The following HSPG2 variants were observed in gnomAD, a reference collection of about 807,000 sequenced individuals.
HSPG2 encodes the protein heparan sulfate proteoglycan 2, also known as basement membrane-specific heparan sulfate proteoglycan core protein.
In HSPG2, 278 loss-of-function variants were observed where a neutral mutation model predicts 526.6. The observed-to-expected ratio is 0.53, with a 90% CI of 0.48 to 0.58. The LOEUF (loss-of-function observed/expected upper bound fraction) is 0.58, where lower values mean the gene tolerates loss of function less well. Ranked by LOEUF, HSPG2 falls within the 20% of genes least tolerant of loss-of-function variation. HSPG2 has a pLI of 0.00. For synonymous variants in HSPG2, 2,465 were observed against 2,555.4 expected (o/e 0.96, Z 1.07); for missense variants, 5,354 against 6,099.5 (o/e 0.88, Z 4.07).
At chr1:21,857,473 A>G (rs780060540) in intron 42 of HSPG2, 88 bp from the exon 43 acceptor site, 1 of 1,167,714 alleles carries the variant, frequency 8.6e-7, no homozygotes, top group African/African-American at 1.5e-5. Context: ...ACCTCTAGGC[A>G]TCACTTCCTT....
At chr1:21,933,691 G>C (rs916408402) in intron 1 of HSPG2, among the ~76,000 whole-genome samples, 17 of 152,192 alleles carry the variant, frequency 1.1e-4, no homozygotes, top group Admixed American at 5.9e-4. Flanking sequence ...CCTAAGGGAT[G>C]GGGGGGTGGT....
At chr1:21,914,088 G>A (rs1643805705) in intron 1 of HSPG2, among the ~76,000 whole-genome samples, 1 of 152,262 alleles carries the variant, frequency 6.6e-6, no homozygotes, top group Non-Finnish European at 1.5e-5. Flanking sequence ...AGAAAGAGAA[G>A]GGGGAAAAAA....
At chr1:21,888,700 G>T (rs149677207) in intron 6 of HSPG2, 1 of 1,364,968 alleles carries the variant, frequency 7.3e-7, no homozygotes, top group Non-Finnish European at 9.8e-7. Context: ...AGCGGCCGGC[G>T]GGGGTGGGGG....
rs2097956821 is a variant in HSPG2, at chr1:21,823,307, G to A, written c.*9C>T. On this transcript the variant is annotated 3_prime_UTR_variant, in exon 97 of 97. Coordinates refer to ENST00000374695, the MANE Select transcript of HSPG2 (RefSeq NM_005529.7). ...GTGGCCCGGGAGTCCGTGTGGGGCA[G>A]GCAGGTGCCTACGAGGGGCAGGGGC... is the stretch of plus-strand genomic sequence containing the variant. The A allele has an allele frequency of 1.3e-6, 2 of 1,524,360 alleles. No homozygotes were observed. The highest frequency in any genetic ancestry group is 1.2e-5 in the South Asian group (1 of 81,932). 94.4% of individuals were successfully genotyped at this position (1,524,360 alleles called of 1,614,324 possible).
rs80232960 is a variant in HSPG2 at position 21,828,719 on chromosome 1, G to A, written c.12237+116C>T. 2.5e-4 allele frequency: 358 copies of A among 1,438,030 alleles called. 1 individual carries two copies. The African/African-American group carries it at 4.5e-3, about 18-fold the overall frequency. 89.1% of individuals were successfully genotyped at this position (1,438,030 alleles called of 1,614,324 possible). A position where few individuals can be genotyped will look rare whatever the true frequency, so the allele number is the denominator to read the frequency against. ...CTCAGAGGTACAGTGTCCTGGCCCA[G>A]GGCCCGTGGGTGGCTGCAGGTGGAG... is the stretch of plus-strand genomic sequence containing the variant. On this transcript the variant is annotated intron_variant, in intron 88 of 96. Coordinates refer to ENST00000374695, the MANE Select transcript of HSPG2 (RefSeq NM_005529.7). The surrounding 1 kb of genome is among the most constrained non-coding windows in gnomAD (Gnocchi z 6.0).
At position 21,880,469 on chromosome 1, in the gene HSPG2, C is replaced by T. The variant is rs144227548; in HGVS notation, c.2089G>A (p.Val697Met). Residue 697 changes from valine to methionine, a missense_variant, in exon 16 of 97, where the codon GTG (valine) becomes ATG (methionine). Coordinates refer to ENST00000374695, the MANE Select transcript of HSPG2 (RefSeq NM_005529.7). ...QSLEAVLIQT[V>M]YNTKMASVGL... Reference sequence around the variant, plus strand: ...ACGCTGGCCATCTTGGTGTTGTACACGGTCTGGATGAGCACGGCCTCCAGG... The same window carrying T: ...ACGCTGGCCATCTTGGTGTTGTACATGGTCTGGATGAGCACGGCCTCCAGG... The T allele has an allele frequency of 1.8e-5, 29 of 1,613,884 alleles. No homozygotes were observed. Among genetic ancestry groups the T allele is most frequent in the Non-Finnish European group, 2.2e-5 (26 of 1,179,972 alleles).
In HSPG2 at chr1:21,872,608, A is replaced by G. The variant is rs756974627; in HGVS notation, c.4029+12T>C. The G allele has an allele frequency of 2.5e-6, 4 of 1,577,654 alleles. No homozygotes were observed. The highest frequency in any genetic ancestry group is 2.3e-5 in the South Asian group (2 of 86,080). ...GCAACACCGCCTGGGGCTGGGCAGC[A>G]CAGGCTCTCACCAGGTGGCGTGTGT... On this transcript the variant is annotated intron_variant, in intron 32 of 96. Transcript: ENST00000374695. This position sits in a 1 kb window ranked among gnomAD's most constrained non-coding sequence, Gnocchi z 5.5.
At position 21,890,743 on chromosome 1, in the gene HSPG2, G is replaced by A; in HGVS notation, c.245-49C>T. The A allele has an allele frequency of 2.8e-6, 4 of 1,410,186 alleles. No homozygotes were observed. Among genetic ancestry groups the A allele is most frequent in the Non-Finnish European group, 3.0e-6 (3 of 1,001,410 alleles). 87.4% of individuals were successfully genotyped at this position (1,410,186 alleles called of 1,614,324 possible). On this transcript the variant is annotated intron_variant, in intron 3 of 96. Transcript: ENST00000374695. This position sits in a 1 kb window ranked among gnomAD's most constrained non-coding sequence, Gnocchi z 4.1. ...TTTGAGAGCCCCAGCCTGGCATCTA[G>A]TGGCCTTAGGCAGTTGGACCATTCA...
Position 21,855,606 on chromosome 1 carries a change from T to C in HSPG2, c.5771A>G (p.Glu1924Gly), listed in dbSNP as rs1431567477. The C allele has an allele frequency of 6.3e-7, 1 of 1,582,934 alleles. No individual in the cohort carries two copies. Among genetic ancestry groups the C allele is most frequent in the Non-Finnish European group, 8.6e-7 (1 of 1,166,938 alleles). The change falls in exon 46 of 97, where the codon GAG (glutamate) becomes GGG (glycine). Residue 1924 changes from glutamate to glycine, a missense_variant. Physicochemically the swap from Glu to Gly is moderately conservative, Grantham distance 98. Coordinates refer to ENST00000374695, the MANE Select transcript of HSPG2 (RefSeq NM_005529.7). ...CAAGTACTGGGCCTGATCCGTGGGC[T>C]CGACAGCTGGCAGGCGCAGGATGCC... ...HGGILRLPAV[E>G]PTDQAQYLCR...
chr1:21,822,246 G>A lies in HSPG2; in HGVS notation c.*1070C>T, dbSNP rs1188757713. ...TCATCAAAGACTCAGGAGGCCCCTG[G>A]CGGGGATAGCACCGTTTATTAAGAA... On this transcript the variant is annotated 3_prime_UTR_variant, in exon 97 of 97. Coordinates refer to ENST00000374695, the MANE Select transcript of HSPG2 (RefSeq NM_005529.7). The A allele has an allele frequency of 6.2e-7, 1 of 1,602,866 alleles. No homozygotes were observed. The highest frequency in any genetic ancestry group is 8.5e-7 in the Non-Finnish European group (1 of 1,169,820).
At chr1:21,918,697 G>T (rs192318956) in intron 1 of HSPG2, among the ~76,000 whole-genome samples, 1 of 152,326 alleles carries the variant, frequency 6.6e-6, no homozygotes, top group East Asian at 1.9e-4. Flanking sequence ...CAAGTGCTCA[G>T]TATAGTGTGT....
intron 64 of HSPG2, among the ~76,000 whole-genome samples, chr1:21,844,544 G>GCC (rs1638274134): frequency 6.6e-6 from 1 of 152,238 alleles, no homozygotes; most frequent in Non-Finnish European, 1.5e-5. Context: ...CACCAGTGGG[G>GCC]CCAGGGCTGA....
In HSPG2 at chr1:21,872,430, G is replaced by T. The variant is rs1315352696; in HGVS notation, c.4030-53C>A. The T allele has an allele frequency of 2.7e-6, 4 of 1,494,780 alleles. No individual in the cohort carries two copies. The highest frequency in any genetic ancestry group is 2.8e-5 in the African/African-American group (2 of 70,204). 92.6% of individuals were successfully genotyped at this position (1,494,780 alleles called of 1,614,324 possible). A position where few individuals can be genotyped will look rare whatever the true frequency, so the allele number is the denominator to read the frequency against. On this transcript the variant is annotated intron_variant, in intron 32 of 96. Transcript: ENST00000374695. This position sits in a 1 kb window ranked among gnomAD's most constrained non-coding sequence, Gnocchi z 5.5. ...AGCCTGAGCACCGGGGTGCCTTGGTGGGGGATGGGGCACGGGAGGGTGTTA... is the reference window on the plus strand; with the variant it reads ...AGCCTGAGCACCGGGGTGCCTTGGTTGGGGATGGGGCACGGGAGGGTGTTA...
chr1:21,835,604 C>T lies in HSPG2; in HGVS notation c.10389G>A (p.Thr3463=), dbSNP rs373006986. Residue 3463 remains threonine (T), a synonymous_variant, in exon 76 of 97, where the codon ACG becomes ACA. Transcript: ENST00000374695. The part of the protein sequence containing the change: ...IQNLDQSCQG[T]YICQAHGPWG... ...AAGGTCCATGGGCCTGGCATATATA[C>T]GTCCCTTGGCAGCTCTGGTCCAAGT... The T allele has an allele frequency of 1.1e-4, 172 of 1,613,892 alleles. 1 individual carries two copies. The highest frequency in any genetic ancestry group is 1.4e-4 in the Non-Finnish European group (162 of 1,179,900).
chr1:21,871,974 C>T (rs1012257897), intron 33 of HSPG2, among the ~76,000 whole-genome samples: 1 of 152,242 alleles, frequency 6.6e-6, no homozygotes, highest in Non-Finnish European at 1.5e-5. Flanking sequence ...TCTCCAATCC[C>T]CTCAGCCACC....
rs750298196 is a variant in HSPG2 at position 21,864,954 on chromosome 1, G to A, written c.4515C>T (p.Ser1505=). 1.9e-6 allele frequency: 3 copies of A among 1,604,014 alleles called. No homozygotes were observed. In the South Asian group the frequency reaches 3.3e-5, roughly 18 times the overall value. The change falls in exon 36 of 97, where the codon AGC becomes AGT. Residue 1505 remains serine (S), a synonymous_variant. Coordinates refer to ENST00000374695, the MANE Select transcript of HSPG2 (RefSeq NM_005529.7). This position sits in a 1 kb window ranked among gnomAD's most constrained non-coding sequence, Gnocchi z 4.8. ...ATFSSVPLAA[S]ISAVSLEVAQ... ...CGACCTCCAGGCTGACTGCGCTGATGCTGGCCGCCAGCGGCACGGAGGAGA... is the reference window on the plus strand; with the variant it reads ...CGACCTCCAGGCTGACTGCGCTGATACTGGCCGCCAGCGGCACGGAGGAGA...
intron 1 of HSPG2, among the ~76,000 whole-genome samples, chr1:21,921,519 G>T (rs980365687): frequency 1.3e-5 from 2 of 152,086 alleles, no homozygotes; most frequent in Non-Finnish European, 2.9e-5. Flanking sequence ...TCCCTGCCCC[G>T]CATACCCCAG....
chr1:21,858,491 C>T lies in HSPG2; in HGVS notation c.5293+1075G>A, dbSNP rs775208649. 1.6e-4 allele frequency among the ~76,000 whole-genome samples: 25 copies of T among 152,212 alleles called. No homozygotes were observed. The highest frequency in any genetic ancestry group is 1.5e-3 in the Admixed American group (23 of 15,284). ...ACACCATCCCTGTGCCAACAGCAACCATACTCATTTCTCTGGCTGGGGCCT... is the reference window on the plus strand; with the variant it reads ...ACACCATCCCTGTGCCAACAGCAACTATACTCATTTCTCTGGCTGGGGCCT... On this transcript the variant is annotated intron_variant, in intron 42 of 96. Transcript: ENST00000374695. This position sits in a 1 kb window ranked among gnomAD's most constrained non-coding sequence, Gnocchi z 4.2.
At chr1:21,878,154 GC>G in intron 21 of HSPG2, 31 bp downstream of exon 21, 1 of 1,602,240 alleles carries the variant, frequency 6.2e-7, no homozygotes, top group South Asian at 1.1e-5. Context: ...TGGGCCCAAG[GC>G]CCCTGGGTGG....
Sources: gnomAD v4.1 joint callset for allele counts (sites outside exome capture counted in the v4.1 genomes callset) on GRCh38, gnomAD v4.1.1 for gene constraint, Gnocchi (gnomAD v3.1) non-coding constraint, MANE v1.5 for transcripts, NCBI Gene and HGNC (gene_info 2026-07-23, HGNC 2026-07-21) for gene names.